DAB1: variants seen among roughly 807,000 people sequenced by gnomAD.
The protein encoded by DAB1 is disabled homolog 1.
In DAB1, 15 loss-of-function variants were observed where a neutral mutation model predicts 64.6. The observed-to-expected ratio is 0.23, with a 90% CI of 0.16 to 0.36. DAB1 has a LOEUF of 0.36. Ranked by LOEUF, DAB1 falls within the 10% of genes least tolerant of loss-of-function variation. The pLI is 1.00. For missense variants in DAB1, 596 were observed against 706.7 expected (o/e 0.84, Z 1.78); for synonymous variants, 235 against 251.9 (o/e 0.93, Z 0.64).
chr1:57,484,128 T>C (rs1042912397), intron 7 of DAB1, among the ~76,000 whole-genome samples: 8 of 151,906 alleles, frequency 5.3e-5, no homozygotes, highest in Non-Finnish European at 1.0e-4. Context: ...GCAGGAAACA[T>C]GGAGGGTAAA....
chr1:58,127,364 T>C (rs1299585111), intron 5 of DAB1, among the ~76,000 whole-genome samples: 1 of 151,970 alleles, frequency 6.6e-6, no homozygotes, highest in Admixed American at 6.5e-5. Context: ...TATTAGCCCT[T>C]TGTCAGATGA....
chr1:57,351,193 T>TC (rs1239508063), intron 1 of DAB1, among the ~76,000 whole-genome samples: 1 of 152,176 alleles, frequency 6.6e-6, no homozygotes, highest in Non-Finnish European at 1.5e-5. Flanking sequence ...GAACTGGAAC[T>TC]CAAATCTAGG....
At chr1:58,513,511 AC>A (rs1314854170) in intron 2 of DAB1, among the ~76,000 whole-genome samples, 1 of 152,200 alleles carries the variant, frequency 6.6e-6, no homozygotes, top group Non-Finnish European at 1.5e-5. Context: ...ACTCTAGGTA[AC>A]CTTTCCTTCT....
At chr1:58,217,223 G>C (rs1361707971) in intron 4 of DAB1, among the ~76,000 whole-genome samples, 1 of 152,190 alleles carries the variant, frequency 6.6e-6, no homozygotes, top group African/African-American at 2.4e-5. Context: ...TAAGAAACTT[G>C]TCCAAGTCTA....
intron 5 of DAB1, among the ~76,000 whole-genome samples, chr1:57,961,855 C>T (rs1432787046): frequency 1.3e-5 from 2 of 151,926 alleles, no homozygotes; most frequent in Non-Finnish European, 2.9e-5. Context: ...TCCTGTAATC[C>T]CAGCTACTCG....
chr1:58,027,297 GC>G (rs1433250511), intron 5 of DAB1, among the ~76,000 whole-genome samples: 1 of 152,106 alleles, frequency 6.6e-6, no homozygotes, highest in Non-Finnish European at 1.5e-5. Flanking sequence ...CAAACTCCTG[GC>G]TTCAAGGGAT....
chr1:57,108,353 C>T (rs1467892713), intron 4 of DAB1, among the ~76,000 whole-genome samples: 5 of 152,120 alleles, frequency 3.3e-5, no homozygotes, highest in Non-Finnish European at 5.9e-5. Context: ...AGATTACTGG[C>T]CTTATCTACC....
intron 3 of DAB1, among the ~76,000 whole-genome samples, chr1:58,369,870 T>C (rs531149265): frequency 1.3e-5 from 2 of 152,210 alleles, no homozygotes; most frequent in Non-Finnish European, 2.9e-5. Flanking sequence ...ATTAAGAATA[T>C]TGTAATAAAT....
intron 4 of DAB1, among the ~76,000 whole-genome samples, chr1:58,249,508 C>G (rs939954082): frequency 2.6e-5 from 4 of 151,954 alleles, no homozygotes; most frequent in African/African-American, 9.7e-5. Flanking sequence ...GTCCGGATGG[C>G]GGGAGGGTTA....
intron 4 of DAB1, among the ~76,000 whole-genome samples, chr1:58,225,273 C>T (rs1014833752): frequency 2.0e-5 from 3 of 152,140 alleles, no homozygotes; most frequent in African/African-American, 7.2e-5. Flanking sequence ...TACCATCTCA[C>T]ACCAGTTAGA....
intron 1 of DAB1, among the ~76,000 whole-genome samples, chr1:57,308,493 T>C (rs549484748): frequency 3.9e-5 from 6 of 152,274 alleles, no homozygotes; most frequent in African/African-American, 1.4e-4. Flanking sequence ...AGTCAAGAAC[T>C]TAACATGTAA....
intron 2 of DAB1, among the ~76,000 whole-genome samples, chr1:57,148,939 A>G (rs759461231): frequency 2.0e-5 from 3 of 152,172 alleles, no homozygotes; most frequent in Non-Finnish European, 4.4e-5. Flanking sequence ...CATCACCACT[A>G]TCTAATTTTG....
chr1:57,982,668 G>A (rs1029309909), intron 5 of DAB1, among the ~76,000 whole-genome samples: 2 of 152,148 alleles, frequency 1.3e-5, no homozygotes, highest in African/African-American at 2.4e-5. Context: ...TGCCTTCAAG[G>A]AAGCAAAATT....
chr1:57,199,462 T>C (rs1283650165), intron 2 of DAB1, among the ~76,000 whole-genome samples: 1 of 152,156 alleles, frequency 6.6e-6, no homozygotes, highest in African/African-American at 2.4e-5. Context: ...AGGTGGCAGC[T>C]GGCTTGTCTT....
intron 1 of DAB1, among the ~76,000 whole-genome samples, chr1:57,871,550 G>A (rs1643949563): frequency 6.6e-6 from 1 of 152,148 alleles, no homozygotes; most frequent in African/African-American, 2.4e-5. Context: ...TAAGTGTCTT[G>A]CTCAAGGTCA....
intron 3 of DAB1, among the ~76,000 whole-genome samples, chr1:58,476,543 A>G (rs188299243): frequency 1.3e-3 from 196 of 152,240 alleles, no homozygotes; most frequent in African/African-American, 4.5e-3. Context: ...TTTCTGATGG[A>G]AGTTAGGGGG....
intron 5 of DAB1, among the ~76,000 whole-genome samples, chr1:58,066,840 T>C (rs1362345787): frequency 6.6e-6 from 1 of 152,236 alleles, no homozygotes; most frequent in Non-Finnish European, 1.5e-5. Context: ...CACCTTGCAG[T>C]CAGAGTGATC....
At chr1:58,462,109 G>GTTTTTTTT in intron 3 of DAB1, among the ~76,000 whole-genome samples, 1 of 133,928 alleles carries the variant, frequency 7.5e-6, no homozygotes, top group Non-Finnish European at 1.6e-5. Context: ...ATCTGAGAAG[G>GTTTTTTTT]TTTCTTTTTT....
chr1:57,467,324 G>C (rs1399119412), intron 7 of DAB1, among the ~76,000 whole-genome samples: 3 of 152,122 alleles, frequency 2.0e-5, no homozygotes, highest in Admixed American at 2.0e-4. Context: ...TATATAATAT[G>C]AGTTCAATGA....
Sources: gnomAD v4.1 joint callset for allele counts (sites outside exome capture counted in the v4.1 genomes callset) on GRCh38, gnomAD v4.1.1 for gene constraint, MANE v1.5 for transcripts, NCBI Gene and HGNC (gene_info 2026-07-23, HGNC 2026-07-21) for gene names.